Variants in BEGAIN observed in about 807,000 individuals in gnomAD.
The protein encoded by BEGAIN is brain enriched guanylate kinase associated, also known as brain-enriched guanylate kinase-associated protein.
A neutral mutation model predicts 35.8 loss-of-function variants in BEGAIN; 19 were observed. That is an observed-to-expected ratio of 0.53 (90% CI 0.37 to 0.78). BEGAIN has a LOEUF of 0.78. Ranked by LOEUF, BEGAIN falls within the 30% of genes least tolerant of loss-of-function variation. The pLI is 0.00. For synonymous variants in BEGAIN, 462 were observed against 388.6 expected (o/e 1.19, Z -2.22); for missense variants, 795 against 853.6 (o/e 0.93, Z 0.85).
At chr14:100,578,294 C>G (rs914247916) in intron 1 of BEGAIN, among the ~76,000 whole-genome samples, 2 of 152,254 alleles carry the variant, frequency 1.3e-5, no homozygotes, top group African/African-American at 4.8e-5. Context: ...CTCCTACTCT[C>G]ACATCTCCTC....
chr14:100,557,365 A>G (rs1183284253), intron 2 of BEGAIN, among the ~76,000 whole-genome samples: 1 of 152,250 alleles, frequency 6.6e-6, no homozygotes, highest in Non-Finnish European at 1.5e-5. Context: ...GATGACCGCC[A>G]TGGCGGCGGC....
At chr14:100,575,766 C>T (rs1042185726) in intron 1 of BEGAIN, among the ~76,000 whole-genome samples, 2 of 152,104 alleles carry the variant, frequency 1.3e-5, no homozygotes, top group South Asian at 2.1e-4. Context: ...GCTGGGTTCC[C>T]GGGTGGGGCC....
intron 3 of BEGAIN, chr14:100,545,274 C>A: frequency 1.4e-6 from 2 of 1,415,376 alleles, no homozygotes; most frequent in Non-Finnish European, 1.8e-6. Flanking sequence ...TTTCCTAGGC[C>A]AGGGCCCAGG....
chr14:100,568,768 G>T lies in BEGAIN; in HGVS notation c.43-829C>A. 2.6e-6 allele frequency: 2 copies of T among 762,662 alleles called. No individual in the cohort carries two copies. The highest frequency in any genetic ancestry group is 3.2e-6 in the Non-Finnish European group (2 of 625,418). 47.2% of individuals were successfully genotyped at this position (762,662 alleles called of 1,614,324 possible). A position where few individuals can be genotyped will look rare whatever the true frequency, so the allele number is the denominator to read the frequency against. ...CCGGGCGGGATCGCACTTCCTGCGTGGAGCTGGGGGCGCCGGGCGGGCTCT... is the reference window on the plus strand; with the variant it reads ...CCGGGCGGGATCGCACTTCCTGCGTTGAGCTGGGGGCGCCGGGCGGGCTCT... On this transcript the variant is annotated intron_variant, in intron 1 of 6. Transcript: ENST00000554140. The surrounding 1 kb of genome is among the most constrained non-coding windows in gnomAD (Gnocchi z 7.5).
intron 2 of BEGAIN, among the ~76,000 whole-genome samples, chr14:100,565,982 C>A (rs2034649622): frequency 6.6e-6 from 1 of 152,230 alleles, no homozygotes; most frequent in Non-Finnish European, 1.5e-5. Flanking sequence ...TCCCAGGCAC[C>A]AAATGCAGGA....
intron 2 of BEGAIN, chr14:100,547,765 C>T (rs2032724162): frequency 1.3e-5 from 2 of 152,296 alleles, no homozygotes; most frequent in Non-Finnish European, 2.9e-5. Context: ...GGGCCTGGAA[C>T]CCTGACTCTG....
At chr14:100,562,727 C>A (rs1303346618) in intron 2 of BEGAIN, among the ~76,000 whole-genome samples, 2 of 152,186 alleles carry the variant, frequency 1.3e-5, no homozygotes, top group Non-Finnish European at 2.9e-5. Context: ...CCCGGTGGCA[C>A]CCGCTCAGGG....
chr14:100,587,307 C>T lies in BEGAIN; in HGVS notation c.-17G>A, dbSNP rs2035467806. ...AGTCCACATGGCCCCAGGGCAGCCG[C>T]GCCGCTCACCGCCGCCGCCGCTACC... On this transcript the variant is annotated 5_prime_UTR_variant, in exon 1 of 7. Transcript: ENST00000554140. 2 of 151,874 alleles carry T rather than the reference C, an allele frequency of 1.3e-5. No homozygotes were observed. The highest frequency in any genetic ancestry group is 2.9e-5 in the Non-Finnish European group (2 of 69,724). The allele number at this position is 151,874 out of a possible 1,614,324, so 9.4% of individuals were successfully genotyped here.
chr14:100,552,663 G>A (rs545845081), intron 2 of BEGAIN, among the ~76,000 whole-genome samples: 4 of 152,360 alleles, frequency 2.6e-5, no homozygotes, highest in Non-Finnish European at 4.4e-5. Flanking sequence ...CTGTGGGACC[G>A]TGGAAGGGGG....
In BEGAIN at chr14:100,538,392, C is replaced by A. The variant is rs1263103208; in HGVS notation, c.1416G>T (p.Gly472=). ...SFSERYYGGA[G]GSPGKKADGR... ...CGTCGGCCTTCTTGCCCGGGCTGCC[C>A]CCGGCCCCGCCGTAGTAGCGTTCAG... Residue 472 remains glycine (G), a synonymous_variant, in exon 7 of 7, where the codon GGG becomes GGT. Transcript: ENST00000554140. 1.3e-6 allele frequency: 2 copies of A among 1,530,512 alleles called. No individual in the cohort carries two copies. The highest frequency in any genetic ancestry group is 2.3e-5 in the East Asian group (1 of 43,282). The allele number at this position is 1,530,512 out of a possible 1,614,324, so 94.8% of individuals were successfully genotyped here.
chr14:100,582,676 G>T (rs2035345940), intron 1 of BEGAIN, among the ~76,000 whole-genome samples: 1 of 152,138 alleles, frequency 6.6e-6, no homozygotes, highest in Non-Finnish European at 1.5e-5. Flanking sequence ...CTTCCAGGGA[G>T]ATCCCTGGGC....
rs550957106 is a variant in BEGAIN, at chr14:100,555,213, G to C, written c.72-8551C>G. On this transcript the variant is annotated intron_variant, in intron 2 of 6. Coordinates refer to ENST00000554140, the MANE Select transcript of BEGAIN (RefSeq NM_001385089.1). ...CGCCAGGGCCGTCTGGGGTCTCCCT[G>C]CAGAAGGCCTTGTGCCCCAAGCCTT... Among the ~76,000 whole-genome samples the C allele has an allele frequency of 2.0e-5, 3 of 152,360 alleles. No homozygotes were observed. In the South Asian group the frequency reaches 6.2e-4, roughly 32 times the overall value.
intron 3 of BEGAIN, chr14:100,545,335 C>T: frequency 3.8e-6 from 5 of 1,320,566 alleles, no homozygotes; most frequent in Admixed American, 6.8e-5. Context: ...GAAGGGAAGG[C>T]TTGTTATTCA....
chr14:100,580,390 C>A (rs2035290966), intron 1 of BEGAIN, among the ~76,000 whole-genome samples: 1 of 152,182 alleles, frequency 6.6e-6, no homozygotes, highest in Non-Finnish European at 1.5e-5. Context: ...CACTGCAAGG[C>A]CCTGACAATT....
At chr14:100,583,727 T>C (rs2035374852) in intron 1 of BEGAIN, among the ~76,000 whole-genome samples, 1 of 134,552 alleles carries the variant, frequency 7.4e-6, no homozygotes. Flanking sequence ...TCTCACTCTG[T>C]TGCCCAGGGG....
At chr14:100,544,220 G>A (rs559568011) in intron 4 of BEGAIN, among the ~76,000 whole-genome samples, 7 of 152,260 alleles carry the variant, frequency 4.6e-5, no homozygotes, top group Admixed American at 6.5e-5. Context: ...AGGTGACAGC[G>A]TCCTGCCTCA....
chr14:100,541,855 G>T (rs954192793), intron 5 of BEGAIN, among the ~76,000 whole-genome samples: 26 of 152,240 alleles, frequency 1.7e-4, no homozygotes, highest in African/African-American at 6.0e-4. Flanking sequence ...GCTCGGGGAG[G>T]AAATGCTCAC....
In BEGAIN at chr14:100,563,077, G is replaced by A. The variant is rs1255505964; in HGVS notation, c.71+4834C>T. 6.6e-6 allele frequency among the ~76,000 whole-genome samples: 1 copy of A among 152,208 alleles called. No individual in the cohort carries two copies. The highest frequency in any genetic ancestry group is 1.5e-5 in the Non-Finnish European group (1 of 68,038). On this transcript the variant is annotated intron_variant, in intron 2 of 6. Transcript: ENST00000554140. The surrounding 1 kb of genome is among the most constrained non-coding windows in gnomAD (Gnocchi z 4.2). ...GGCAGGACAGGGTCAGGACCTTCGA[G>A]GCCACCTGCTCTCCATCTGTCTCCA...
In BEGAIN at chr14:100,568,215, G is replaced by A; in HGVS notation, c.43-276C>T. 1 of 657,350 alleles carries A rather than the reference G, an allele frequency of 1.5e-6. No individual in the cohort carries two copies. The highest frequency in any genetic ancestry group is 2.0e-6 in the Non-Finnish European group (1 of 512,012). The allele number at this position is 657,350 out of a possible 1,614,324, so 40.7% of individuals were successfully genotyped here. A position where few individuals can be genotyped will look rare whatever the true frequency, so the allele number is the denominator to read the frequency against. ...CCGGGGCGAAGAAGGGGCCGGCCCG[G>A]GATGGCCCGGCCAGGGGCGATCTCG... is the stretch of plus-strand genomic sequence containing the variant. On this transcript the variant is annotated intron_variant, in intron 1 of 6. Coordinates refer to ENST00000554140, the MANE Select transcript of BEGAIN (RefSeq NM_001385089.1). This position sits in a 1 kb window ranked among gnomAD's most constrained non-coding sequence, Gnocchi z 7.5.
Sources: gnomAD v4.1 joint callset for allele counts (sites outside exome capture counted in the v4.1 genomes callset) on GRCh38, gnomAD v4.1.1 for gene constraint, Gnocchi (gnomAD v3.1) non-coding constraint, MANE v1.5 for transcripts, NCBI Gene and HGNC (gene_info 2026-07-23, HGNC 2026-07-21) for gene names.